RDX: variants seen among roughly 807,000 people sequenced by gnomAD.
RDX encodes deafness, autosomal recessive 24.
A neutral mutation model predicts 83.7 loss-of-function variants in RDX; 32 were observed. The ratio of observed to expected loss-of-function variants is 0.38; its 90% CI spans 0.29 to 0.51. The LOEUF is 0.51. Ranked by LOEUF, RDX falls within the 20% of genes least tolerant of loss-of-function variation. RDX has a pLI of 0.87. For synonymous variants in RDX, 229 were observed against 222.7 expected, an observed-to-expected ratio of 1.03 and a Z score of -0.25; for missense variants, 600 against 689.9, an observed-to-expected ratio of 0.87 and a Z score of 1.46.
chr11:110,274,686 AAATTC>A (rs1860442320), intron 2 of RDX, among the ~76,000 whole-genome samples: 1 of 152,176 alleles, frequency 6.6e-6, no homozygotes. Context: ...CTACTTCAAT[AAATTC>A]TTTAAAATTG....
At chr11:110,279,595 C>T in intron 2 of RDX, 86 bp downstream of exon 2, 1 of 913,686 alleles carries the variant, frequency 1.1e-6, no homozygotes, top group Non-Finnish European at 1.8e-6. Context: ...TCCAACAACT[C>T]TACCAACATT....
At chr11:110,254,163 T>C (rs1467044800) in intron 8 of RDX, 54 bp from the exon 9 acceptor site, 2 of 1,435,340 alleles carry the variant, frequency 1.4e-6, no homozygotes, top group Non-Finnish European at 9.7e-7. Context: ...CTGTCTCTCA[T>C]AACAATCTGT....
At chr11:110,212,020 C>G (rs1262784393) in intron 14 of RDX, among the ~76,000 whole-genome samples, 1 of 140,612 alleles carries the variant, frequency 7.1e-6, no homozygotes, top group Non-Finnish European at 1.5e-5. Context: ...CACAAAAAAC[C>G]CTTCAAAAAA....
intron 9 of RDX, among the ~76,000 whole-genome samples, chr11:110,250,275 T>G (rs773851854): frequency 1.2e-4 from 18 of 152,214 alleles, no homozygotes; most frequent in Non-Finnish European, 2.4e-4. Context: ...AAAAGCACAG[T>G]ACTTTTCAAG....
intron 15 of RDX, among the ~76,000 whole-genome samples, chr11:110,177,189 G>C (rs1158531586): frequency 2.0e-5 from 3 of 152,216 alleles, no homozygotes; most frequent in African/African-American, 7.2e-5. Context: ...CCTCCACCCG[G>C]GGACAGGAAC....
chr11:110,290,769 T>C (rs1861210655), intron 1 of RDX, among the ~76,000 whole-genome samples: 1 of 152,226 alleles, frequency 6.6e-6, no homozygotes, highest in Non-Finnish European at 1.5e-5. Context: ...TCTACTGTTG[T>C]AGCAGGAAAG....
downstream of RDX, among the ~76,000 whole-genome samples, chr11:110,224,957 C>G (rs1271620774): frequency 6.6e-6 from 1 of 152,134 alleles, no homozygotes; most frequent in Non-Finnish European, 1.5e-5. Flanking sequence ...TGTGCCTTCC[C>G]AAAGCTACCA....
chr11:110,184,102 G>A (rs1035232001), intron 15 of RDX, among the ~76,000 whole-genome samples: 1 of 152,218 alleles, frequency 6.6e-6, no homozygotes, highest in Non-Finnish European at 1.5e-5. Flanking sequence ...AATAACAGGA[G>A]GGAGAGGGAG....
At chr11:110,224,229 A>G (rs12224156) in intron 14 of RDX, among the ~76,000 whole-genome samples, 1 of 151,162 alleles carries the variant, frequency 6.6e-6, no homozygotes, top group African/African-American at 2.4e-5. Context: ...ATTAAAAAAA[A>G]AAAACAAAAA....
chr11:110,209,366 C>T (rs1224539407), intron 14 of RDX, among the ~76,000 whole-genome samples: 1 of 151,628 alleles, frequency 6.6e-6, no homozygotes, highest in East Asian at 1.9e-4. Context: ...TGATTGCTAG[C>T]ATAGCAGTCT....
intron 15 of RDX, chr11:110,181,980 C>G (rs530835161): frequency 6.5e-6 from 1 of 152,764 alleles, no homozygotes; most frequent in South Asian, 2.1e-4. Flanking sequence ...AATCTGCACA[C>G]TCCTCACCCC....
chr11:110,247,261 G>A (rs1319180388), intron 10 of RDX, among the ~76,000 whole-genome samples: 1 of 151,944 alleles, frequency 6.6e-6, no homozygotes, highest in Admixed American at 6.6e-5. Flanking sequence ...AATATTTTTA[G>A]GAATTGAGTT....
chr11:110,216,888 G>A (rs1864074577), intron 14 of RDX, among the ~76,000 whole-genome samples: 1 of 152,152 alleles, frequency 6.6e-6, no homozygotes, highest in Non-Finnish European at 1.5e-5. Context: ...ATATTTGAAT[G>A]TTTTTCCTCT....
At chr11:110,192,816 C>T (rs1193067567) in intron 15 of RDX, among the ~76,000 whole-genome samples, 1 of 151,856 alleles carries the variant, frequency 6.6e-6, no homozygotes, top group East Asian at 1.9e-4. Flanking sequence ...CAATGAGATA[C>T]CATCTCACAG....
intron 15 of RDX, among the ~76,000 whole-genome samples, chr11:110,178,085 T>C (rs1012000827): frequency 5.3e-5 from 8 of 152,254 alleles, no homozygotes; most frequent in African/African-American, 1.9e-4. Flanking sequence ...TCTCACAGTA[T>C]GCCTGGCAAG....
intron 1 of RDX, 107 bp downstream of exon 1, chr11:110,296,360 G>A (rs895193453): frequency 6.6e-6 from 1 of 151,772 alleles, no homozygotes; most frequent in Non-Finnish European, 1.5e-5. Flanking sequence ...CCCTGGCGGC[G>A]GCGCCACGGC....
chr11:110,295,802 C>T (rs984778878), intron 1 of RDX, among the ~76,000 whole-genome samples: 2 of 152,238 alleles, frequency 1.3e-5, no homozygotes, highest in African/African-American at 4.8e-5. Flanking sequence ...GAGAAAGTTA[C>T]AGGGCTCCGA....
At chr11:110,262,280 G>A (rs895008120) in intron 5 of RDX, among the ~76,000 whole-genome samples, 10 of 152,120 alleles carry the variant, frequency 6.6e-5, no homozygotes, top group African/African-American at 2.4e-4. Context: ...GCGGAACACT[G>A]TGACATTTAA....
Position 110,256,987 on chromosome 11 carries a change from G to A in RDX, c.698+780C>T, listed in dbSNP as rs189137030. On this transcript the variant is annotated intron_variant, in intron 7 of 13. Transcript: ENST00000645495. The stretch of plus-strand genomic sequence containing the variant: ...GGAAAAGGCATTAATTACTGGCATA[G>A]ACTTGCATGCTTATGTGGTATGGTA... Among the ~76,000 whole-genome samples the A allele has an allele frequency of 4.1e-4, 62 of 151,918 alleles. 1 individual carries two copies. The highest frequency in any genetic ancestry group is 1.2e-3 in the African/African-American group (50 of 41,460).
Sources: allele counts gnomAD v4.1 joint callset (sites outside exome capture counted in the v4.1 genomes callset), GRCh38; gene constraint gnomAD v4.1.1; transcripts MANE v1.5; gene names NCBI Gene and HGNC (gene_info 2026-07-23, HGNC 2026-07-21).